SHC2: variants seen among roughly 807,000 people sequenced by gnomAD.
SHC2 encodes SHC adaptor protein 2.
In SHC2, 62 loss-of-function variants were observed where a neutral mutation model predicts 60.6. That is an observed-to-expected ratio of 1.02 (90% CI 0.83 to 1.26). The LOEUF is 1.26. Among genes scored for constraint, SHC2 ranks in the 50% most tolerant of loss-of-function variants. The probability of loss-of-function intolerance (pLI) is 0.00; values close to 1 mark genes in which losing one functional copy is unlikely to be tolerated. For synonymous variants in SHC2, 375 were observed against 372.4 expected (o/e 1.01, Z -0.08); for missense variants, 873 against 822.2 (o/e 1.06, Z -0.76).
intron 1 of SHC2, among the ~76,000 whole-genome samples, chr19:448,415 T>C (rs1260058682): frequency 6.6e-6 from 1 of 152,188 alleles, no homozygotes; most frequent in Non-Finnish European, 1.5e-5. Flanking sequence ...GCCGTGTTAC[T>C]CCATCTCTGC....
At chr19:435,338 G>A (rs550427887) in intron 7 of SHC2, among the ~76,000 whole-genome samples, 27 of 152,366 alleles carry the variant, frequency 1.8e-4, no homozygotes, top group Non-Finnish European at 2.8e-4. Flanking sequence ...GCCCACAGTC[G>A]CTGCTGGGAT....
intron 9 of SHC2, among the ~76,000 whole-genome samples, chr19:427,896 C>A (rs1262830558): frequency 7.1e-6 from 1 of 141,358 alleles, no homozygotes; most frequent in African/African-American, 2.7e-5. Flanking sequence ...GAACTGCACA[C>A]GGCGCAGGGA....
At chr19:448,417 C>T (rs1200369662) in intron 1 of SHC2, among the ~76,000 whole-genome samples, 1 of 152,188 alleles carries the variant, frequency 6.6e-6, no homozygotes, top group African/African-American at 2.4e-5. Context: ...CGTGTTACTC[C>T]ATCTCTGCCT....
chr19:425,112 C>G lies in SHC2; in HGVS notation c.1294G>C (p.Asp432His). 1 of 1,406,978 alleles carries G rather than the reference C, an allele frequency of 7.1e-7. No individual in the cohort carries two copies. The allele number at this position is 1,406,978 out of a possible 1,614,324, so 87.2% of individuals were successfully genotyped here. A position where few individuals can be genotyped will look rare whatever the true frequency, so the allele number is the denominator to read the frequency against. The change falls in exon 10 of 13, where the codon GAT becomes CAT. Residue 432 changes from aspartate (D) to histidine (H), a missense_variant. Transcript: ENST00000264554. The surrounding 1 kb of genome is among the most constrained non-coding windows in gnomAD (Gnocchi z 4.1). ...TGCCACATACGCATGTCAAACAGAT[C>G]CTTTTTGGGGCTGTCCTCCGGCTCG... ...APEPEDSPKK[D>H]LFDMRPFEDA...
rs111796570 is a variant in SHC2 at position 447,710 on chromosome 19, G to A, written c.469-6778C>T. Among the ~76,000 whole-genome samples, 728 of 152,172 alleles carry A rather than the reference G, an allele frequency of 4.8e-3. 5 individuals carry two copies. The highest frequency in any genetic ancestry group is 0.017 in the African/African-American group (696 of 41,516). On this transcript the variant is annotated intron_variant, in intron 1 of 12. Coordinates refer to ENST00000264554, the MANE Select transcript of SHC2 (RefSeq NM_012435.3). Reference sequence around the variant, plus strand: ...GGAGAATCACTTGAACCTGGGAAGCGGAGGTTGCGGTGAGCCGAGATCGCA... The same window carrying A: ...GGAGAATCACTTGAACCTGGGAAGCAGAGGTTGCGGTGAGCCGAGATCGCA...
At chr19:420,431 G>T (rs1568279785) in intron 11 of SHC2, among the ~76,000 whole-genome samples, 1 of 152,194 alleles carries the variant, frequency 6.6e-6, no homozygotes, top group African/African-American at 2.4e-5. Flanking sequence ...GCTCTGAGAG[G>T]CCTCCGAACC....
Position 424,491 on chromosome 19 carries a change from C to T in SHC2, c.1309+606G>A, listed in dbSNP as rs1362478130. Among the ~76,000 whole-genome samples, 3 of 152,098 alleles carry T rather than the reference C, an allele frequency of 2.0e-5. No homozygotes were observed. Among genetic ancestry groups the T allele is most frequent in the East Asian group, 3.9e-4 (2 of 5,180 alleles). ...GTGCAAGACCAGCGGGCCAGGCAGT[C>T]GTCCCAGCAGGCCGGGATTCCCACA... On this transcript the variant is annotated intron_variant, in intron 10 of 12. Transcript: ENST00000264554. The surrounding 1 kb of genome is among the most constrained non-coding windows in gnomAD (Gnocchi z 4.5).
chr19:417,853 A>T (rs1974188097), intron 12 of SHC2, among the ~76,000 whole-genome samples: 1 of 151,934 alleles, frequency 6.6e-6, no homozygotes, highest in South Asian at 2.1e-4. Context: ...CGCATAGGGG[A>T]GGGGCCGCCC....
rs1005845364 is a variant in SHC2, at chr19:435,456, G to A, written c.954-591C>T. ...AACGTGCATCAAGCACGCTGTCCCC[G>A]TGCACAAAGGGGTGAGTGTGAGCAG... On this transcript the variant is annotated intron_variant, in intron 7 of 12. Coordinates refer to ENST00000264554, the MANE Select transcript of SHC2 (RefSeq NM_012435.3). 6.6e-5 allele frequency among the ~76,000 whole-genome samples: 10 copies of A among 152,382 alleles called. 1 individual carries two copies. The highest frequency in any genetic ancestry group is 2.1e-4 in the South Asian group (1 of 4,830).
intron 12 of SHC2, among the ~76,000 whole-genome samples, chr19:417,889 C>T (rs190431088): frequency 1.1e-4 from 16 of 152,206 alleles, no homozygotes; most frequent in African/African-American, 2.9e-4. Context: ...GGAAGGAGAC[C>T]GTTGTCATGG....
rs1163972668 is a variant in SHC2 at position 438,991 on chromosome 19, G to C, written c.579C>G (p.Val193=). ...TCACCTTTTTCTTCCAGGATCCCCG[G>C]ACGCCAGGCACGGCCTCATGGAGCC... ...INRLHEAVPG[V]RGSWKKKAPN... is the part of the protein sequence containing the mutation. Residue 193 remains valine, a synonymous_variant, in exon 3 of 13, where the codon GTC becomes GTG. Transcript: ENST00000264554. The surrounding 1 kb of genome is among the most constrained non-coding windows in gnomAD (Gnocchi z 5.0). 4 of 1,602,186 alleles carry C rather than the reference G, an allele frequency of 2.5e-6. No individual in the cohort carries two copies. Among genetic ancestry groups the C allele is most frequent in the Non-Finnish European group, 3.4e-6 (4 of 1,175,094 alleles).
intron 1 of SHC2, among the ~76,000 whole-genome samples, chr19:450,306 G>C (rs1391683053): frequency 6.6e-6 from 1 of 152,244 alleles, no homozygotes; most frequent in Non-Finnish European, 1.5e-5. Context: ...TGACGCAAGA[G>C]AGTGGCGCGT....
chr19:421,570 A>G (rs984107578), intron 11 of SHC2, among the ~76,000 whole-genome samples: 12 of 152,182 alleles, frequency 7.9e-5, no homozygotes, highest in Admixed American at 7.8e-4. Flanking sequence ...TGAAAATACC[A>G]TATTTATCCC....
intron 1 of SHC2, among the ~76,000 whole-genome samples, chr19:460,089 T>C (rs1002751389): frequency 3.3e-5 from 5 of 152,234 alleles, no homozygotes; most frequent in Admixed American, 6.5e-5. Context: ...CCATCTGGAA[T>C]CCTGGGGTCT....
rs1238411807 is a variant in SHC2, at chr19:460,822, C to T, written c.175G>A (p.Gly59Ser). The stretch of plus-strand genomic sequence containing the variant: ...GCCGGCTCGGGTTGGGGGTCCGCGC[C>T]CCCCGAGGCCCCAGCCGCCCGCGCC... ...AAARAAGASG[G>S]ADPQPEPAGP... The change falls in exon 1 of 13, where the codon GGC becomes AGC. Residue 59 changes from glycine to serine, a missense_variant. Gly to Ser is a moderately conservative substitution (Grantham distance 56, BLOSUM62 0). Coordinates refer to ENST00000264554, the MANE Select transcript of SHC2 (RefSeq NM_012435.3). 3.4e-5 allele frequency: 33 copies of T among 981,206 alleles called. No individual in the cohort carries two copies. Among genetic ancestry groups the T allele is most frequent in the Non-Finnish European group, 3.9e-5 (32 of 828,842 alleles). 60.8% of individuals were successfully genotyped at this position (981,206 alleles called of 1,614,324 possible). A position where few individuals can be genotyped will look rare whatever the true frequency, so the allele number is the denominator to read the frequency against.
intron 11 of SHC2, among the ~76,000 whole-genome samples, chr19:421,197 G>A (rs917485555): frequency 6.6e-6 from 1 of 151,890 alleles, no homozygotes. Flanking sequence ...AGAAGTTTGA[G>A]AACAGCCTGG....
At chr19:458,143 C>CGGGGGAT (rs1975408825) in intron 1 of SHC2, among the ~76,000 whole-genome samples, 1 of 138,860 alleles carries the variant, frequency 7.2e-6, no homozygotes, top group African/African-American at 2.7e-5. Flanking sequence ...AAGTGGGTTC[C>CGGGGGAT]GGGGAGACGG....
intron 11 of SHC2, among the ~76,000 whole-genome samples, chr19:421,710 G>C (rs753249302): frequency 6.6e-6 from 1 of 152,150 alleles, no homozygotes; most frequent in Non-Finnish European, 1.5e-5. Flanking sequence ...CTTGAGGCCA[G>C]GAGCTGGGGA....
Position 416,963 on chromosome 19 carries a change from C to T in SHC2, c.*365G>A, listed in dbSNP as rs1046822. 82,919 of 152,672 alleles carry T rather than the reference C, an allele frequency of 0.54. 26,958 individuals are homozygous for T. Among genetic ancestry groups the T allele is most frequent in the Non-Finnish European group, 0.71 (48,622 of 68,070 alleles). The allele number at this position is 152,672 out of a possible 1,614,324, so 9.5% of individuals were successfully genotyped here. On this transcript the variant is annotated 3_prime_UTR_variant, in exon 13 of 13. Coordinates refer to ENST00000264554, the MANE Select transcript of SHC2 (RefSeq NM_012435.3). ...GCCTCCTCCCCAGGGTCCTGGGAGC[C>T]CTGACTCTCCGGGGCGTTAGACCGA...
Sources: gnomAD v4.1 joint callset for allele counts (sites outside exome capture counted in the v4.1 genomes callset) on GRCh38, gnomAD v4.1.1 for gene constraint, Gnocchi (gnomAD v3.1) non-coding constraint, MANE v1.5 for transcripts, NCBI Gene and HGNC (gene_info 2026-07-23, HGNC 2026-07-21) for gene names.